FLG2: variants seen among roughly 807,000 people sequenced by gnomAD.
FLG2 encodes filaggrin 2.
In FLG2, 7 loss-of-function variants were observed where a neutral mutation model predicts 3.9. The ratio of observed to expected loss-of-function variants is 1.79; its 90% CI spans 1.02 to 3.36. The LOEUF is 3.36. Ranked by LOEUF, FLG2 falls within the 30% of genes most tolerant of loss-of-function variation. The probability of loss-of-function intolerance (pLI) is 0.00; values close to 1 mark genes in which losing one functional copy is unlikely to be tolerated. For missense variants in FLG2, 2,700 were observed against 2,809.4 expected, an observed-to-expected ratio of 0.96 and a Z score of 0.88; for synonymous variants, 1,031 against 1,056.1, an observed-to-expected ratio of 0.98 and a Z score of 0.46.
rs757333119 is a variant in FLG2, at chr1:152,350,622, C to A, written c.7164G>T (p.Leu2388=). ...WSTDSTANKQ[L]SRH ...TAGAAAATAACTGTCAATGTCTAGA[C>A]AGTTGCTTGTTTGCAGTGCTGTCTG... The change falls in exon 3 of 3, where the codon CTG becomes CTT. Residue 2388 remains leucine, a synonymous_variant. Coordinates refer to ENST00000388718, the MANE Select transcript of FLG2 (RefSeq NM_001014342.3). The A allele has an allele frequency of 1.2e-5, 19 of 1,613,058 alleles. No individual in the cohort carries two copies. Among genetic ancestry groups the A allele is most frequent in the East Asian group, 2.2e-5 (1 of 44,890 alleles).
In FLG2 at chr1:152,357,643, G is replaced by C; in HGVS notation, c.143C>G (p.Pro48Arg). 1 of 1,610,646 alleles carries C rather than the reference G, an allele frequency of 6.2e-7. No homozygotes were observed. Among genetic ancestry groups the C allele is most frequent in the Non-Finnish European group, 8.5e-7 (1 of 1,178,256 alleles). The change falls in exon 3 of 3, where the codon CCA (proline) becomes CGA (arginine). Residue 48 changes from proline to arginine, a missense_variant. Coordinates refer to ENST00000388718, the MANE Select transcript of FLG2 (RefSeq NM_001014342.3). ...EKELHPVLKN[P>R]DDPDTVDVIM... is the part of the protein sequence containing the mutation. ...GACATCCACTGTGTCTGGATCATCT[G>C]GGTTCTGTATATGAGTGACACACCA... is the stretch of plus-strand genomic sequence containing the variant.
In FLG2 at chr1:152,350,426, G is replaced by C. The variant is rs1313596824; in HGVS notation, c.*184C>G. The C allele has an allele frequency of 9.3e-6, 7 of 750,912 alleles. No homozygotes were observed. Among genetic ancestry groups the C allele is most frequent in the Non-Finnish European group, 1.5e-5 (7 of 476,940 alleles). 46.5% of individuals were successfully genotyped at this position (750,912 alleles called of 1,614,324 possible). A position where few individuals can be genotyped will look rare whatever the true frequency, so the allele number is the denominator to read the frequency against. ...GGTTGAACATAGGTGTTGTTTGACT[G>C]TTTATGAGTTACTATAGAATGTCCA... is the stretch of plus-strand genomic sequence containing the variant. On this transcript the variant is annotated 3_prime_UTR_variant, in exon 3 of 3. Coordinates refer to ENST00000388718, the MANE Select transcript of FLG2 (RefSeq NM_001014342.3).
chr1:152,351,481 C>T lies in FLG2; in HGVS notation c.6305G>A (p.Gly2102Glu), dbSNP rs758338715. Reference sequence around the variant, plus strand: ...GTCACTGGACTCACTGTGGCCAGATCCCCTTCTTCCAGCTGTCCTTGACCC... The same window carrying T: ...GTCACTGGACTCACTGTGGCCAGATTCCCTTCTTCCAGCTGTCCTTGACCC... ...QRGSRTAGRR[G>E]SGHSESSDSE... is the part of the protein sequence containing the mutation. The change falls in exon 3 of 3, where the codon GGA becomes GAA. Residue 2102 changes from glycine to glutamate, a missense_variant. Coordinates refer to ENST00000388718, the MANE Select transcript of FLG2 (RefSeq NM_001014342.3). The T allele has an allele frequency of 6.3e-7, 1 of 1,594,778 alleles. No homozygotes were observed. Among genetic ancestry groups the T allele is most frequent in the African/African-American group, 1.4e-5 (1 of 69,120 alleles).
chr1:152,353,886 G>C lies in FLG2; in HGVS notation c.3900C>G (p.Tyr1300Ter). ...TGCGAACTGTGGATCCTGACTTTGG[G>C]TAGTGAGATCCAGCTTGTGTGTGAA... ...EHIHTQAGSH[Y>*]PKSGSTVRRR... The change falls in exon 3 of 3, where the codon TAC (tyrosine) becomes TAG (stop). Residue 1300 changes from tyrosine (Y) to a stop codon, truncating the protein, a stop_gained. Transcript: ENST00000388718. LOFTEE classifies it low-confidence loss of function (END_TRUNC). The C allele has an allele frequency of 6.2e-7, 1 of 1,613,708 alleles. No homozygotes were observed. The highest frequency in any genetic ancestry group is 8.5e-7 in the Non-Finnish European group (1 of 1,179,866).
At position 152,352,795 on chromosome 1, in the gene FLG2, C is replaced by T; in HGVS notation, c.4991G>A (p.Gly1664Glu). Residue 1664 changes from glycine (G) to glutamate (E), a missense_variant, in exon 3 of 3, where the codon GGG (glycine) becomes GAG (glutamate). Transcript: ENST00000388718. The part of the protein sequence containing the change: ...SESSDSEVHS[G>E]VSHTHTGHTH... ...GTGTCCTGTATGTGTGTGTGAGACC[C>T]CTGAGTGCACTTCACTGTCACTGGA... 6.2e-7 allele frequency: 1 copy of T among 1,613,886 alleles called. No individual in the cohort carries two copies. The highest frequency in any genetic ancestry group is 8.5e-7 in the Non-Finnish European group (1 of 1,179,980).
chr1:152,357,435 C>T lies in FLG2; in HGVS notation c.351G>A (p.Glu117=), dbSNP rs745546105. ...TATGTCCTGGTGTATCCTCTTCATC[C>T]TCTTCTGTTTCACTTTCTTCTTCTT... ...RHQEEESETE[E]DEEDTPGHKS... Residue 117 remains glutamate, a synonymous_variant, in exon 3 of 3, where the codon GAG becomes GAA. Coordinates refer to ENST00000388718, the MANE Select transcript of FLG2 (RefSeq NM_001014342.3). The T allele has an allele frequency of 6.2e-7, 1 of 1,613,992 alleles. No individual in the cohort carries two copies. The highest frequency in any genetic ancestry group is 2.2e-5 in the East Asian group (1 of 44,888).
In FLG2 at chr1:152,354,894, A is replaced by G. The variant is rs774807161; in HGVS notation, c.2892T>C (p.His964=). The stretch of plus-strand genomic sequence containing the variant: ...CAGAGGACTGACCTGAGCCTGATCC[A>G]TGTTGGCCAAAGCCAGAGGATTGAC... The part of the protein sequence containing the change: ...GSGQSSGFGQ[H]GSGSGQSSGF... Residue 964 remains histidine, a synonymous_variant, in exon 3 of 3, where the codon CAT becomes CAC. Coordinates refer to ENST00000388718, the MANE Select transcript of FLG2 (RefSeq NM_001014342.3). 6.2e-7 allele frequency: 1 copy of G among 1,613,928 alleles called. No homozygotes were observed. The highest frequency in any genetic ancestry group is 1.1e-5 in the South Asian group (1 of 91,066).
Position 152,350,715 on chromosome 1 carries a change from C to A in FLG2, c.7071G>T (p.Gly2357=). The A allele has an allele frequency of 6.2e-7, 1 of 1,614,196 alleles. No homozygotes were observed. Among genetic ancestry groups the A allele is most frequent in the Non-Finnish European group, 8.5e-7 (1 of 1,180,032 alleles). The change falls in exon 3 of 3, where the codon GGG becomes GGT. Residue 2357 remains glycine, a synonymous_variant. Transcript: ENST00000388718. ...GSYGPAEYDY[G]HTGYGPSGGS... ...CACCAGAAGGCCCATACCCAGTGTG[C>A]CCATAGTCATATTCTGCAGGTCCAT...
At chr1:152,359,366 A>C (rs1458771444) in intron 1 of FLG2, among the ~76,000 whole-genome samples, 149 of 152,324 alleles carry the variant, frequency 9.8e-4, no homozygotes, top group Non-Finnish European at 1.8e-4. Context: ...GGGCACCAGA[A>C]GCTAAACTGG....
At position 152,353,996 on chromosome 1, in the gene FLG2, C is replaced by A. The variant is rs1654085840; in HGVS notation, c.3790G>T (p.Val1264Leu). 1.2e-6 allele frequency: 2 copies of A among 1,614,062 alleles called. No individual in the cohort carries two copies. Among genetic ancestry groups the A allele is most frequent in the African/African-American group, 2.7e-5 (2 of 74,978 alleles). ...TGGCTAGATCTTCGTCTTCTAGTTA[C>A]CCTGGACCCTGTCTGTGTGGATTGT... ...QGQSTQTGSR[V>L]TRRRRSSQSE... The change falls in exon 3 of 3, where the codon GTA becomes TTA. Residue 1264 changes from valine (V) to leucine (L), a missense_variant. Transcript: ENST00000388718.
rs1413044775 is a variant in FLG2 at position 152,353,811 on chromosome 1, G to A, written c.3975C>T (p.Gly1325=). 1.2e-6 allele frequency: 2 copies of A among 1,614,004 alleles called. No individual in the cohort carries two copies. The highest frequency in any genetic ancestry group is 1.6e-4 in the Middle Eastern group (1 of 6,062). The change falls in exon 3 of 3, where the codon GGC becomes GGT. Residue 1325 remains glycine, a synonymous_variant. Coordinates refer to ENST00000388718, the MANE Select transcript of FLG2 (RefSeq NM_001014342.3). ...GTGTAGACTGTCCATGACCAGAATGGCCATGTCTAGTGGTATCTCCTCTCT... is the reference window on the plus strand; with the variant it reads ...GTGTAGACTGTCCATGACCAGAATGACCATGTCTAGTGGTATCTCCTCTCT... ...HGQRGDTTRH[G]HSGHGQSTQT...
In FLG2 at chr1:152,353,290, G is replaced by T. The variant is rs139011196; in HGVS notation, c.4496C>A (p.Ser1499Tyr). The change falls in exon 3 of 3, where the codon TCT becomes TAT. Residue 1499 changes from serine to tyrosine, a missense_variant. Transcript: ENST00000388718. ...ACTGTCACTGGACTCACTGTGGCCA[G>T]ATCCCCTTCTTCCAGTTGTACTGGA... is the stretch of plus-strand genomic sequence containing the variant. ...RGSSTTGRRGSGHSESSDSEV... is the reference protein window; with the variant it reads ...RGSSTTGRRGYGHSESSDSEV... 2.7e-4 allele frequency: 422 copies of T among 1,568,156 alleles called. No homozygotes were observed. Among genetic ancestry groups the T allele is most frequent in the Non-Finnish European group, 3.2e-4 (374 of 1,156,338 alleles).
In FLG2 at chr1:152,352,302, C is replaced by G. The variant is rs779897497; in HGVS notation, c.5484G>C (p.Gln1828His). 2.5e-6 allele frequency: 4 copies of G among 1,606,568 alleles called. No individual in the cohort carries two copies. The South Asian group carries it at 4.4e-5, about 18-fold the overall frequency. Residue 1828 changes from glutamine (Q) to histidine (H), a missense_variant, in exon 3 of 3, where the codon CAG becomes CAC. Coordinates refer to ENST00000388718, the MANE Select transcript of FLG2 (RefSeq NM_001014342.3). The stretch of plus-strand genomic sequence containing the variant: ...CTGACTCTCCATGTTGAGATCCAGC[C>G]TGGCCGTGAGTGTGTCCTCGTGAGT... The part of the protein sequence containing the change: ...RPHSRGHTHG[Q>H]AGSQHGESES...
rs1448446239 is a variant in FLG2, at chr1:152,355,798, C to A, written c.1988G>T (p.Gly663Val). 6.2e-7 allele frequency: 1 copy of A among 1,613,434 alleles called. No homozygotes were observed. Among genetic ancestry groups the A allele is most frequent in the Admixed American group, 1.7e-5 (1 of 59,940 alleles). The change falls in exon 3 of 3, where the codon GGT becomes GTT. Residue 663 changes from glycine (G) to valine (V), a missense_variant. Transcript: ENST00000388718. ...TGFGQYGSGS[G>V]QSSGFGQHVS... is the part of the protein sequence containing the mutation. Reference sequence around the variant, plus strand: ...ATGTTGTCCAAAGCCAGAGGACTGACCTGAGCCTGATCCATATTGGCCAAA... The same window carrying A: ...ATGTTGTCCAAAGCCAGAGGACTGAACTGAGCCTGATCCATATTGGCCAAA...
In FLG2 at chr1:152,351,746, G is replaced by C; in HGVS notation, c.6040C>G (p.Gln2014Glu). ...GTCCTGGACCCTCTCTGTGTGGACT[G>C]TCCATGACCAGAGTGGCCATGTCTA... ...TTRHGHSGHG[Q>E]STQRGSRTTG... is the part of the protein sequence containing the mutation. The change falls in exon 3 of 3, where the codon CAG becomes GAG. Residue 2014 changes from glutamine to glutamate, a missense_variant. Physicochemically the swap from Gln to Glu is conservative, Grantham distance 29. Transcript: ENST00000388718. 1 of 1,611,542 alleles carries C rather than the reference G, an allele frequency of 6.2e-7. No homozygotes were observed. Among genetic ancestry groups the C allele is most frequent in the Non-Finnish European group, 8.5e-7 (1 of 1,179,588 alleles).
In FLG2 at chr1:152,349,688, C is replaced by A. The variant is rs891515600; in HGVS notation, c.*922G>T. The A allele has an allele frequency of 1.3e-5, 2 of 152,576 alleles. No homozygotes were observed. The highest frequency in any genetic ancestry group is 1.3e-4 in the Admixed American group (2 of 15,274). The allele number at this position is 152,576 out of a possible 1,614,324, so 9.5% of individuals were successfully genotyped here. Reference sequence around the variant, plus strand: ...GGCTTCTTATTCAAAGTAATAACTCCTTTGTTCTTGGACATATTCATAGAG... The same window carrying A: ...GGCTTCTTATTCAAAGTAATAACTCATTTGTTCTTGGACATATTCATAGAG... On this transcript the variant is annotated 3_prime_UTR_variant, in exon 3 of 3. Coordinates refer to ENST00000388718, the MANE Select transcript of FLG2 (RefSeq NM_001014342.3).
chr1:152,355,982 G>A lies in FLG2; in HGVS notation c.1804C>T (p.Gln602Ter), dbSNP rs371211174. ...TCATGTTGTCCAAAGCCAGAGGATT[G>A]TCCTGAGCCAGACCCATGTTGTCCA... ...GFGQHGSGSG[Q>*]SSGFGQHESR... Residue 602 changes from glutamine to a stop codon, truncating the protein, a stop_gained, in exon 3 of 3, where the codon CAA becomes TAA. Transcript: ENST00000388718. LOFTEE classifies it low-confidence loss of function (END_TRUNC). The A allele has an allele frequency of 1.8e-5, 29 of 1,612,920 alleles. No individual in the cohort carries two copies. Among genetic ancestry groups the A allele is most frequent in the Non-Finnish European group, 2.5e-5 (29 of 1,179,838 alleles).
rs151207521 is a variant in FLG2 at position 152,352,765 on chromosome 1, T to C, written c.5021A>G (p.His1674Arg). The C allele has an allele frequency of 2.2e-5, 35 of 1,613,964 alleles. No homozygotes were observed. The highest frequency in any genetic ancestry group is 8.0e-5 in the African/African-American group (6 of 74,972). The change falls in exon 3 of 3, where the codon CAT becomes CGT. Residue 1674 changes from histidine (H) to arginine (R), a missense_variant. His to Arg is a conservative substitution (Grantham distance 29). Transcript: ENST00000388718. The stretch of plus-strand genomic sequence containing the variant: ...TCCATGTTGAGATCCAGCTTGACCA[T>C]GAGTGTGTCCTGTATGTGTGTGTGA... ...GVSHTHTGHTHGQAGSQHGQS... is the reference protein window; with the variant it reads ...GVSHTHTGHTRGQAGSQHGQS...
In FLG2 at chr1:152,352,753, C is replaced by G. The variant is rs774534850; in HGVS notation, c.5033G>C (p.Gly1678Ala). 1 of 1,613,756 alleles carries G rather than the reference C, an allele frequency of 6.2e-7. No individual in the cohort carries two copies. The change falls in exon 3 of 3, where the codon GGA (glycine) becomes GCA (alanine). Residue 1678 changes from glycine to alanine, a missense_variant. Gly to Ala is a moderately conservative substitution (Grantham distance 60, BLOSUM62 0). Coordinates refer to ENST00000388718, the MANE Select transcript of FLG2 (RefSeq NM_001014342.3). ...THTGHTHGQA[G>A]SQHGQSESIV... ...GGATTCTGACTGTCCATGTTGAGAT[C>G]CAGCTTGACCATGAGTGTGTCCTGT...
Sources: allele counts gnomAD v4.1 joint callset (sites outside exome capture counted in the v4.1 genomes callset), GRCh38; gene constraint gnomAD v4.1.1; transcripts MANE v1.5; gene names NCBI Gene and HGNC (gene_info 2026-07-23, HGNC 2026-07-21).